The following GRAMD4 variants were observed in gnomAD, a reference collection of about 807,000 sequenced individuals.
GRAMD4 encodes the protein GRAM domain containing 4.
A neutral mutation model predicts 83.9 loss-of-function variants in GRAMD4; 25 were observed. That is an observed-to-expected ratio of 0.30 (90% CI 0.22 to 0.42). GRAMD4 has a LOEUF of 0.42. Ranked by LOEUF, GRAMD4 falls within the 10% of genes least tolerant of loss-of-function variation. The pLI is 1.00. For synonymous variants in GRAMD4, 336 were observed against 320.9 expected, an observed-to-expected ratio of 1.05 and a Z score of -0.50; for missense variants, 593 against 788.7, an observed-to-expected ratio of 0.75 and a Z score of 2.97.
At position 46,673,649 on chromosome 22, in the gene GRAMD4, G is replaced by T; in HGVS notation, c.1240-21G>T. The stretch of plus-strand genomic sequence containing the variant: ...AGGCGTGGGCAGCGGGCCTGACCTC[G>T]ACGCTGTTTGCCGTTGGCAGCTGCA... On this transcript the variant is annotated intron_variant, in intron 14 of 18. Coordinates refer to ENST00000406902, the MANE Select transcript of GRAMD4 (RefSeq NM_015124.5). 4 of 1,607,010 alleles carry T rather than the reference G, an allele frequency of 2.5e-6. No homozygotes were observed. In the South Asian group the frequency reaches 3.3e-5, roughly 13 times the overall value.
chr22:46,578,019 C>A (rs941174327), intron 1 of GRAMD4, among the ~76,000 whole-genome samples: 2 of 152,236 alleles, frequency 1.3e-5, no homozygotes, highest in Admixed American at 1.3e-4. Flanking sequence ...GCTGGTGCCC[C>A]TGCCCTGTTG....
chr22:46,598,585 C>T (rs953613279), intron 1 of GRAMD4, among the ~76,000 whole-genome samples: 7 of 151,484 alleles, frequency 4.6e-5, no homozygotes, highest in African/African-American at 1.5e-4. Context: ...CGGCTCCTGG[C>T]TCACCTGTGG....
intron 8 of GRAMD4, among the ~76,000 whole-genome samples, chr22:46,664,647 A>T (rs1313120886): frequency 6.6e-6 from 1 of 152,174 alleles, no homozygotes; most frequent in African/African-American, 2.4e-5. Context: ...GCGGGACAGG[A>T]GACTTGCCAC....
intron 14 of GRAMD4, among the ~76,000 whole-genome samples, chr22:46,673,424 G>T (rs1360987224): frequency 6.6e-6 from 1 of 152,270 alleles, no homozygotes; most frequent in Non-Finnish European, 1.5e-5. Context: ...AGGACCACGG[G>T]GAATGAGCAG....
chr22:46,611,272 T>TGA (rs138000009), intron 1 of GRAMD4, among the ~76,000 whole-genome samples: 3,266 of 151,244 alleles, frequency 0.022, 107 homozygotes, highest in African/African-American at 0.074. Flanking sequence ...TCTGCCAGGG[T>TGA]CCCCATTCAG....
rs918707682 is a variant in GRAMD4, at chr22:46,583,017, C to T, written c.-50+5727C>T. On this transcript the variant is annotated intron_variant, in intron 1 of 1. Transcript: ENST00000431155. ...TCAGCTCACCACAACCTCCGCCTCC[C>T]GGGTTCAAGCGATTCTCCTACCTCA... Among the ~76,000 whole-genome samples, 18 of 152,272 alleles carry T rather than the reference C, an allele frequency of 1.2e-4. 1 individual carries two copies. The South Asian group carries it at 1.7e-3, about 14-fold the overall frequency.
intron 1 of GRAMD4, among the ~76,000 whole-genome samples, chr22:46,580,692 C>T (rs561142673): frequency 2.0e-5 from 3 of 152,234 alleles, no homozygotes; most frequent in African/African-American, 4.8e-5. Flanking sequence ...TCGCCGGGCG[C>T]GCTGGCTCAC....
intron 1 of GRAMD4, among the ~76,000 whole-genome samples, chr22:46,589,132 C>T (rs1464061643): frequency 1.3e-5 from 2 of 151,930 alleles, no homozygotes; most frequent in South Asian, 4.2e-4. Flanking sequence ...TGCTGGTGCT[C>T]CAGGGAGGAC....
At chr22:46,667,982 G>A in intron 10 of GRAMD4, 114 bp from the exon 11 acceptor site, 1 of 715,794 alleles carries the variant, frequency 1.4e-6, no homozygotes, top group South Asian at 1.7e-5. Context: ...ATCCCCCCTG[G>A]CTGTGTGGGG....
chr22:46,675,426 G>A, intron 16 of GRAMD4, 42 bp from the exon 17 acceptor site: 1 of 1,408,940 alleles, frequency 7.1e-7, no homozygotes. Flanking sequence ...AGCGTGCTCT[G>A]GTTCAAGAGC....
intron 3 of GRAMD4, among the ~76,000 whole-genome samples, chr22:46,643,148 C>G (rs1188896898): frequency 7.1e-6 from 1 of 140,474 alleles, no homozygotes. Flanking sequence ...TCCTTCCATC[C>G]ATCCATCCAT....
At chr22:46,650,023 C>T (rs946715411) in intron 3 of GRAMD4, among the ~76,000 whole-genome samples, 1 of 152,050 alleles carries the variant, frequency 6.6e-6, no homozygotes, top group East Asian at 1.9e-4. Context: ...GGTGAGAGTC[C>T]GGGGGAGGTG....
intron 1 of GRAMD4, among the ~76,000 whole-genome samples, chr22:46,597,837 AGTT>A (rs2081277443): frequency 6.6e-6 from 1 of 152,166 alleles, no homozygotes; most frequent in South Asian, 2.1e-4. Context: ...TTGATTTGCA[AGTT>A]ACCCTTCTGG....
At chr22:46,595,071 A>G (rs2081248103) in intron 1 of GRAMD4, among the ~76,000 whole-genome samples, 2 of 152,116 alleles carry the variant, frequency 1.3e-5, no homozygotes, top group Non-Finnish European at 1.5e-5. Flanking sequence ...GCAAAGCAGC[A>G]GGAAAGTTGG....
intron 1 of GRAMD4, among the ~76,000 whole-genome samples, chr22:46,591,322 G>A (rs925158556): frequency 6.6e-5 from 10 of 152,206 alleles, no homozygotes; most frequent in Middle Eastern, 6.8e-3. Flanking sequence ...GTTTGAGAAC[G>A]GCCTGGGCAA....
At chr22:46,661,528 A>C in intron 5 of GRAMD4, 86 bp downstream of exon 5, 2 of 921,866 alleles carry the variant, frequency 2.2e-6, no homozygotes, top group Non-Finnish European at 3.5e-6. Flanking sequence ...CAGGTTAACA[A>C]TGGAGCAGAT....
At chr22:46,642,900 C>T (rs1266023515) in intron 3 of GRAMD4, among the ~76,000 whole-genome samples, 3 of 151,572 alleles carry the variant, frequency 2.0e-5, no homozygotes, top group Non-Finnish European at 4.4e-5. Context: ...TCTATCCATC[C>T]ATCCATCTAT....
At chr22:46,680,909 T>TCCATCCAC (rs1168482340), downstream of GRAMD4, among the ~76,000 whole-genome samples, 10 of 104,854 alleles carry the variant, frequency 9.5e-5, no homozygotes, top group East Asian at 7.1e-4. Context: ...CATCCATCCA[T>TCCATCCAC]CCATCCACCC....
At chr22:46,594,684 C>T (rs2147022812) in intron 1 of GRAMD4, among the ~76,000 whole-genome samples, 1 of 151,928 alleles carries the variant, frequency 6.6e-6, no homozygotes, top group Admixed American at 6.6e-5. Context: ...TCTGTCCTGC[C>T]CTGGGGGGCT....
Sources: allele counts gnomAD v4.1 joint callset (sites outside exome capture counted in the v4.1 genomes callset), GRCh38; gene constraint gnomAD v4.1.1; transcripts MANE v1.5; gene names NCBI Gene and HGNC (gene_info 2026-07-23, HGNC 2026-07-21).